Variants in TTC39C observed in about 807,000 individuals in gnomAD.
TTC39C encodes tetratricopeptide repeat domain 39C.
Under a neutral mutation model 76.3 loss-of-function variants are expected in TTC39C, and 33 were observed. The ratio of observed to expected loss-of-function variants is 0.43; its 90% confidence interval spans 0.33 to 0.58. The LOEUF (loss-of-function observed/expected upper bound fraction) is 0.58, where lower values mean the gene tolerates loss of function less well. Ranked by LOEUF, TTC39C falls within the 20% of genes least tolerant of loss-of-function variation. TTC39C has a pLI of 0.04. For synonymous variants in TTC39C, 254 were observed against 260.6 expected (o/e 0.97, Z 0.24); for missense variants, 595 against 701.4 (o/e 0.85, Z 1.71).
chr18:24,127,088 A>G (rs1326641454), intron 10 of TTC39C, among the ~76,000 whole-genome samples: 1 of 152,238 alleles, frequency 6.6e-6, no homozygotes, highest in African/African-American at 2.4e-5. Flanking sequence ...GAAAAAACTA[A>G]CAACAAAGAT....
upstream of TTC39C, among the ~76,000 whole-genome samples, chr18:24,014,026 G>A (rs568396862): frequency 4.6e-4 from 70 of 152,376 alleles, no homozygotes; most frequent in African/African-American, 1.6e-3. Context: ...GCAAATGTTG[G>A]TGGCGGGCTG....
chr18:24,061,317 T>C (rs909387366), intron 1 of TTC39C, among the ~76,000 whole-genome samples: 2 of 151,912 alleles, frequency 1.3e-5, no homozygotes, highest in Non-Finnish European at 2.9e-5. Context: ...GAAAGGTTTG[T>C]ATTTGGGTTC....
At chr18:24,050,118 A>G (rs1255670568) in intron 1 of TTC39C, among the ~76,000 whole-genome samples, 2 of 152,266 alleles carry the variant, frequency 1.3e-5, no homozygotes, top group Non-Finnish European at 2.9e-5. Flanking sequence ...GCCAGCCCCC[A>G]GTCGCCAATG....
At chr18:24,020,820 G>T (rs377588185) in intron 1 of TTC39C, among the ~76,000 whole-genome samples, 18 of 152,136 alleles carry the variant, frequency 1.2e-4, no homozygotes, top group South Asian at 6.2e-4. Flanking sequence ...TGTATTAACC[G>T]ATTGAGTGAG....
In TTC39C at chr18:24,134,749, A is replaced by C. The variant is rs565214524; in HGVS notation, c.*2175A>C. 1 of 152,210 alleles carries C rather than the reference A, an allele frequency of 6.6e-6. No homozygotes were observed. Among genetic ancestry groups the C allele is most frequent in the East Asian group, 1.9e-4 (1 of 5,178 alleles). 9.4% of individuals were successfully genotyped at this position (152,210 alleles called of 1,614,324 possible). The stretch of plus-strand genomic sequence containing the variant: ...TTTGAGAGTTCATTCTTGAATTTTC[A>C]GTTCAAAATATTGTTTGAACTATTA... On this transcript the variant is annotated 3_prime_UTR_variant, in exon 14 of 14. Coordinates refer to ENST00000317571, the MANE Select transcript of TTC39C (RefSeq NM_001135993.2).
At chr18:24,020,152 G>T in intron 1 of TTC39C, 1 of 1,218,702 alleles carries the variant, frequency 8.2e-7, no homozygotes, top group Admixed American at 4.4e-5. Context: ...AAGGGAACTG[G>T]CGGGAAAGAC....
At chr18:24,021,267 G>A (rs1001586432) in intron 1 of TTC39C, among the ~76,000 whole-genome samples, 2 of 152,162 alleles carry the variant, frequency 1.3e-5, no homozygotes, top group African/African-American at 4.8e-5. Flanking sequence ...ACTGGTCCCT[G>A]TCCTACACAG....
intron 1 of TTC39C, among the ~76,000 whole-genome samples, chr18:24,048,117 C>T (rs181045148): frequency 1.3e-5 from 2 of 152,058 alleles, no homozygotes; most frequent in East Asian, 1.9e-4. Context: ...GCCTGTTATA[C>T]GTAGGTTTTA....
intron 1 of TTC39C, among the ~76,000 whole-genome samples, chr18:24,059,248 G>A (rs148515543): frequency 0.015 from 2,320 of 152,224 alleles, 61 homozygotes; most frequent in African/African-American, 0.053. Flanking sequence ...AGGTACATGT[G>A]CAGTTTTGTT....
intron 6 of TTC39C, among the ~76,000 whole-genome samples, chr18:24,111,853 G>A (rs1273537978): frequency 2.6e-5 from 4 of 151,540 alleles, no homozygotes; most frequent in Non-Finnish European, 5.9e-5. Context: ...AGTGAGCTAC[G>A]AATGCGCCAT....
chr18:24,059,826 T>G (rs9963212), intron 1 of TTC39C, among the ~76,000 whole-genome samples: 138,059 of 152,238 alleles, frequency 0.91, 62,960 homozygotes, highest in Admixed American at 0.95. Context: ...AAGGAAAGAG[T>G]TTTAATTAAC....
At chr18:23,999,247 A>G (rs2083293091) in intron 1 of TTC39C, among the ~76,000 whole-genome samples, 1 of 152,152 alleles carries the variant, frequency 6.6e-6, no homozygotes, top group Non-Finnish European at 1.5e-5. Context: ...TCAGAGCCTG[A>G]GGCCAAGTTT....
intron 1 of TTC39C, among the ~76,000 whole-genome samples, chr18:24,058,941 A>G (rs144670255): frequency 1.3e-5 from 2 of 152,162 alleles, no homozygotes; most frequent in African/African-American, 4.8e-5. Context: ...CCTATTTAAG[A>G]TTTTGGCCAT....
In TTC39C at chr18:24,117,519, T is replaced by C. The variant is rs1473736021; in HGVS notation, c.1079-606T>C. Reference sequence around the variant, plus strand: ...GAGTTCAAGACCAGCCTAGCCAACATGGCGAAACCCCATCTCTACTAAAAA... The same window carrying C: ...GAGTTCAAGACCAGCCTAGCCAACACGGCGAAACCCCATCTCTACTAAAAA... On this transcript the variant is annotated intron_variant, in intron 7 of 13. Transcript: ENST00000317571. Among the ~76,000 whole-genome samples the C allele has an allele frequency of 1.3e-5, 2 of 152,068 alleles. 1 individual carries two copies. The highest frequency in any genetic ancestry group is 1.3e-4 in the Admixed American group (2 of 15,274).
intron 6 of TTC39C, among the ~76,000 whole-genome samples, chr18:24,087,908 A>G (rs1469160607): frequency 6.6e-6 from 1 of 152,190 alleles, no homozygotes; most frequent in Non-Finnish European, 1.5e-5. Flanking sequence ...GTTTTTGGAA[A>G]TCGAAATCTG....
At chr18:24,053,643 T>C (rs2083980270) in intron 1 of TTC39C, among the ~76,000 whole-genome samples, 1 of 152,238 alleles carries the variant, frequency 6.6e-6, no homozygotes, top group African/African-American at 2.4e-5. Flanking sequence ...CCATTGATTG[T>C]TGCCACAGTG....
chr18:24,031,956 A>G (rs2083676820), intron 1 of TTC39C, among the ~76,000 whole-genome samples: 1 of 152,234 alleles, frequency 6.6e-6, no homozygotes, highest in Middle Eastern at 3.2e-3. Context: ...ATGTATCCTT[A>G]TAAGAGGAAG....
intron 4 of TTC39C, among the ~76,000 whole-genome samples, chr18:24,069,686 G>A (rs577868538): frequency 6.7e-4 from 102 of 152,254 alleles, no homozygotes; most frequent in Admixed American, 2.2e-3. Context: ...TTAGGAGATC[G>A]TTAAAGATCA....
At chr18:24,119,577 G>C (rs1454638537) in intron 8 of TTC39C, among the ~76,000 whole-genome samples, 1 of 152,222 alleles carries the variant, frequency 6.6e-6, no homozygotes, top group Middle Eastern at 3.4e-3. Context: ...AAAAGTCAGT[G>C]CAAAGCCCTC....
Sources: gnomAD v4.1 joint callset for allele counts (sites outside exome capture counted in the v4.1 genomes callset) on GRCh38, gnomAD v4.1.1 for gene constraint, MANE v1.5 for transcripts, NCBI Gene and HGNC (gene_info 2026-07-23, HGNC 2026-07-21) for gene names.